Variants in CDCA8 observed in about 807,000 individuals in gnomAD.
The protein encoded by CDCA8 is borealin.
A neutral mutation model predicts 40.0 loss-of-function variants in CDCA8; 25 were observed. That is an observed-to-expected ratio of 0.63 (90% confidence interval 0.46 to 0.87). The LOEUF is 0.87. CDCA8 is among the 40% of genes least tolerant of loss of function. CDCA8 has a pLI of 0.00. For missense variants in CDCA8, 280 were observed against 348.4 expected (o/e 0.80, Z 1.56); for synonymous variants, 111 against 126.5 (o/e 0.88, Z 0.82).
At chr1:37,705,293 A>ATTTTTTTTTTTT in intron 7 of CDCA8, 148 bp from the exon 8 acceptor site, 1 of 617,590 alleles carries the variant, frequency 1.6e-6, no homozygotes, top group Non-Finnish European at 2.8e-6. Flanking sequence ...GCTTTAAAAC[A>ATTTTTTTTTTTT]TTTTTTTTTT....
intron 2 of CDCA8, 140 bp downstream of exon 2, chr1:37,693,173 C>T: frequency 2.8e-6 from 1 of 356,176 alleles, no homozygotes; most frequent in Non-Finnish European, 4.6e-6. Flanking sequence ...GACCCTTTCA[C>T]TCTCTGTCTC....
At chr1:37,706,919 C>T (rs1268073375) in intron 8 of CDCA8, 59 bp from the exon 9 acceptor site, 7 of 1,371,980 alleles carry the variant, frequency 5.1e-6, no homozygotes, top group Non-Finnish European at 7.3e-6. Context: ...ATCAGGGGAA[C>T]CTAGGGGTTC....
rs576359159 is a variant in CDCA8 at position 37,707,403 on chromosome 1, G to A, written c.798+339G>A. Reference sequence around the variant, plus strand: ...GAGTAGCTCAAGAATGAGGGTCGGGGCTTGTTATCAGGAATCTTACAGAAT... The same window carrying A: ...GAGTAGCTCAAGAATGAGGGTCGGGACTTGTTATCAGGAATCTTACAGAAT... On this transcript the variant is annotated intron_variant, in intron 9 of 9. Transcript: ENST00000373055. Among the ~76,000 whole-genome samples the A allele has an allele frequency of 3.9e-5, 6 of 152,334 alleles. No individual in the cohort carries two copies. The South Asian group carries it at 1.0e-3, about 26-fold the overall frequency.
In CDCA8 at chr1:37,709,638, T is replaced by G. The variant is rs1036474641; in HGVS notation, c.*1272T>G. The G allele has an allele frequency of 3.3e-5, 5 of 152,154 alleles. No homozygotes were observed. The highest frequency in any genetic ancestry group is 7.4e-5 in the Non-Finnish European group (5 of 68,022). 9.4% of individuals were successfully genotyped at this position (152,154 alleles called of 1,614,324 possible). ...AGATTTTTGTATATATTGTTCTGAG[T>G]AATGGTATCTTTGAGCTGATTGTTC... On this transcript the variant is annotated 3_prime_UTR_variant, in exon 10 of 10. Transcript: ENST00000373055.
Position 37,696,083 on chromosome 1 carries a change from A to T in CDCA8, c.264+133A>T. ...ATCTGTTTGTGTCAACTGAAAAATTAGAGTTGGACCAGACACTGTATACAT... is the reference window on the plus strand; with the variant it reads ...ATCTGTTTGTGTCAACTGAAAAATTTGAGTTGGACCAGACACTGTATACAT... On this transcript the variant is annotated intron_variant, in intron 3 of 9. Coordinates refer to ENST00000373055, the MANE Select transcript of CDCA8 (RefSeq NM_001256875.2). The surrounding 1 kb of genome is among the most constrained non-coding windows in gnomAD (Gnocchi z 5.0). 2.6e-6 allele frequency: 2 copies of T among 771,976 alleles called. No individual in the cohort carries two copies. Among genetic ancestry groups the T allele is most frequent in the Non-Finnish European group, 4.4e-6 (2 of 456,430 alleles). 47.8% of individuals were successfully genotyped at this position (771,976 alleles called of 1,614,324 possible). A position where few individuals can be genotyped will look rare whatever the true frequency, so the allele number is the denominator to read the frequency against.
At chr1:37,708,219 G>T in intron 9 of CDCA8, 103 bp from the exon 10 acceptor site, 1 of 965,732 alleles carries the variant, frequency 1.0e-6, no homozygotes, top group African/African-American at 1.6e-5. Context: ...ATTCATGTGT[G>T]ATACAGATAG....
Position 37,694,236 on chromosome 1 carries a change from A to T in CDCA8, c.223+1203A>T, listed in dbSNP as rs369126410. 2.1e-4 allele frequency among the ~76,000 whole-genome samples: 32 copies of T among 152,342 alleles called. No individual in the cohort carries two copies. The South Asian group carries it at 6.4e-3, about 31-fold the overall frequency. ...TGTCCGGAGAAATGCAGGAGGCTGT[A>T]CTTTTCTGCTGGGTTGCCCTTTTCT... On this transcript the variant is annotated intron_variant, in intron 2 of 9. Transcript: ENST00000373055.
chr1:37,702,228 G>A (rs563350954), intron 6 of CDCA8, among the ~76,000 whole-genome samples: 8 of 151,564 alleles, frequency 5.3e-5, no homozygotes, highest in South Asian at 2.1e-4. Flanking sequence ...TAGTAGATGC[G>A]GGGTTTCTCC....
At chr1:37,694,401 A>G (rs1645513100) in intron 2 of CDCA8, among the ~76,000 whole-genome samples, 1 of 152,202 alleles carries the variant, frequency 6.6e-6, no homozygotes. Context: ...ATTTCTCCAA[A>G]TACTGAGCAT....
intron 2 of CDCA8, 142 bp downstream of exon 2, chr1:37,693,175 C>A: frequency 3.2e-6 from 1 of 313,300 alleles, no homozygotes. Flanking sequence ...CCCTTTCACT[C>A]TCTGTCTCAC....
rs562768862 is a variant in CDCA8 at position 37,699,365 on chromosome 1, C to T, written c.337+388C>T. Among the ~76,000 whole-genome samples, 10 of 152,262 alleles carry T rather than the reference C, an allele frequency of 6.6e-5. No homozygotes were observed. In the East Asian group the frequency reaches 9.7e-4, roughly 15 times the overall value. On this transcript the variant is annotated intron_variant, in intron 4 of 9. Coordinates refer to ENST00000373055, the MANE Select transcript of CDCA8 (RefSeq NM_001256875.2). ...AAAAGACTGGTAACACCAACTGAGA[C>T]GCTCCCTGATGTAATCAACAAAGTT...
chr1:37,692,617 CCCT>C lies in CDCA8; in HGVS notation c.-69_-67del. The C allele has an allele frequency of 8.2e-7, 1 of 1,219,282 alleles. No homozygotes were observed. The highest frequency in any genetic ancestry group is 1.2e-6 in the Non-Finnish European group (1 of 841,132). The allele number at this position is 1,219,282 out of a possible 1,614,324, so 75.5% of individuals were successfully genotyped here. On this transcript the variant is annotated 5_prime_UTR_variant, in exon 1 of 10. Transcript: ENST00000373055. ...GACTTCTTCGGGTGGTCCCCGTCCG[CCCT>C]CCTCGTCCCTACCCAGTTTCTTGCT... is the stretch of plus-strand genomic sequence containing the variant.
At position 37,692,887 on chromosome 1, in the gene CDCA8, G is replaced by A; in HGVS notation, c.95-18G>A. On this transcript the variant is annotated intron_variant, in intron 1 of 9. Transcript: ENST00000373055. ...GCCCGCCCGTGACCCGTGTCCTGTC[G>A]GCTCTGCCCTCCCGCAGTGGAAATA... 1 of 1,613,658 alleles carries A rather than the reference G, an allele frequency of 6.2e-7. No homozygotes were observed. Among genetic ancestry groups the A allele is most frequent in the Non-Finnish European group, 8.5e-7 (1 of 1,179,752 alleles).
chr1:37,705,953 G>A (rs1645596779), intron 8 of CDCA8, among the ~76,000 whole-genome samples: 1 of 151,464 alleles, frequency 6.6e-6, no homozygotes, highest in South Asian at 2.1e-4. Flanking sequence ...GGGACTACAG[G>A]CACACGCCAT....
chr1:37,707,677 A>G lies in CDCA8; in HGVS notation c.798+613A>G, dbSNP rs143938987. On this transcript the variant is annotated intron_variant, in intron 9 of 9. Transcript: ENST00000373055. The stretch of plus-strand genomic sequence containing the variant: ...CTTGGTTTAAATTCTGAAGAGGGCC[A>G]GGCACAGTGGCACACACCTGTAATC... Among the ~76,000 whole-genome samples the G allele has an allele frequency of 8.6e-3, 1,315 of 152,334 alleles. 9 individuals carry two copies. Among genetic ancestry groups the G allele is most frequent in the Non-Finnish European group, 0.014 (919 of 68,036 alleles).
chr1:37,706,770 G>A (rs192397350), intron 8 of CDCA8, among the ~76,000 whole-genome samples: 20 of 152,344 alleles, frequency 1.3e-4, no homozygotes, highest in South Asian at 4.1e-4. Context: ...GATGATGTGC[G>A]TGCCTTTTGT....
In CDCA8 at chr1:37,703,391, T is replaced by C. The variant is rs770712666; in HGVS notation, c.584+44T>C. ...ACTTGGATTTGATGGGACTCCAACATTGAGCACTACCCAGAGAAGGAGTGT... is the reference window on the plus strand; with the variant it reads ...ACTTGGATTTGATGGGACTCCAACACTGAGCACTACCCAGAGAAGGAGTGT... On this transcript the variant is annotated intron_variant, in intron 7 of 9. Transcript: ENST00000373055. The C allele has an allele frequency of 6.6e-5, 88 of 1,334,430 alleles. 1 individual carries two copies. Among genetic ancestry groups the C allele is most frequent in the Middle Eastern group, 5.5e-4 (3 of 5,500 alleles). 82.7% of individuals were successfully genotyped at this position (1,334,430 alleles called of 1,614,324 possible).
chr1:37,701,715 G>GT, intron 5 of CDCA8, 39 bp from the exon 6 acceptor site: 2 of 1,494,422 alleles, frequency 1.3e-6, no homozygotes, highest in South Asian at 1.2e-5. Context: ...TCTTTGCTGG[G>GT]TTTTTTGTAA....
chr1:37,701,673 T>TAAAAAA, intron 5 of CDCA8, 81 bp from the exon 6 acceptor site: 1 of 648,624 alleles, frequency 1.5e-6, no homozygotes, highest in East Asian at 3.1e-5. Flanking sequence ...CTTAATGCTT[T>TAAAAAA]AAAAAAAAAA....
Sources: gnomAD v4.1 joint callset for allele counts (sites outside exome capture counted in the v4.1 genomes callset) on GRCh38, gnomAD v4.1.1 for gene constraint, Gnocchi (gnomAD v3.1) non-coding constraint, MANE v1.5 for transcripts, NCBI Gene and HGNC (gene_info 2026-07-23, HGNC 2026-07-21) for gene names.